Variants in PHLDB1 observed in about 807,000 individuals in gnomAD.
PHLDB1 encodes pleckstrin homology like domain family B member 1.
PHLDB1 carries 65 observed loss-of-function variants against 139.3 expected under a neutral mutation model. That is an observed-to-expected ratio of 0.47 (90% CI 0.38 to 0.57). PHLDB1 has a LOEUF of 0.57. Among genes scored for constraint, PHLDB1 ranks in the 20% least tolerant of loss-of-function variants. The probability of loss-of-function intolerance (pLI) is 0.00; values close to 1 mark genes in which losing one functional copy is unlikely to be tolerated. For missense variants in PHLDB1, 1,624 were observed against 1,839.7 expected (o/e 0.88, Z 2.14); for synonymous variants, 679 against 734.5 (o/e 0.92, Z 1.22).
intron 18 of PHLDB1, 66 bp downstream of exon 18, chr11:118,648,142 T>G: frequency 6.1e-6 from 9 of 1,465,618 alleles, no homozygotes; most frequent in Non-Finnish European, 7.5e-6. Flanking sequence ...AGTGGGGAGA[T>G]CCCAGGGTTT....
At chr11:118,648,212 G>T in intron 18 of PHLDB1, 136 bp downstream of exon 18, 1 of 876,996 alleles carries the variant, frequency 1.1e-6, no homozygotes, top group Non-Finnish European at 1.8e-6. Flanking sequence ...CTTAATACTA[G>T]CAGAATTCTA....
intron 1 of PHLDB1, among the ~76,000 whole-genome samples, chr11:118,609,102 C>G (rs1364518609): frequency 2.0e-5 from 3 of 149,354 alleles, no homozygotes; most frequent in Non-Finnish European, 4.5e-5. Flanking sequence ...CACAGCCCAG[C>G]TCATGCAAGC....
chr11:118,625,128 T>A, intron 5 of PHLDB1, 69 bp downstream of exon 5: 1 of 1,506,770 alleles, frequency 6.6e-7, no homozygotes, highest in Non-Finnish European at 8.9e-7. Context: ...CTTGCTCACT[T>A]CAGCCACACT....
rs1272137098 is a variant in PHLDB1, at chr11:118,627,842, T to C, written c.1019T>C (p.Leu340Ser). The stretch of plus-strand genomic sequence containing the variant: ...ACAGACAGCCCTGCAGCTACTGTCT[T>C]GGCGGAGGCCCGGAGAGCCACTGAG... ...LLTDSPAATVLAEARRATESP... is the reference protein window; with the variant it reads ...LLTDSPAATVSAEARRATESP... The change falls in exon 6 of 23, where the codon TTG (leucine) becomes TCG (serine). Residue 340 changes from leucine (L) to serine (S), a missense_variant. Transcript: ENST00000600882. 6.2e-7 allele frequency: 1 copy of C among 1,607,340 alleles called. No homozygotes were observed. The highest frequency in any genetic ancestry group is 8.5e-7 in the Non-Finnish European group (1 of 1,179,812).
In PHLDB1 at chr11:118,627,708, C is replaced by T. The variant is rs1555103709; in HGVS notation, c.885C>T (p.Ala295=). Residue 295 remains alanine, a synonymous_variant, in exon 6 of 23, where the codon GCC becomes GCT. Transcript: ENST00000600882. ...CCCGTTCCTCCAGCTACCATCTGGC[C>T]CTACAGCCCCCACAGTCCCGCCCAA... ...VPARSSSYHL[A]LQPPQSRPSG... 1 of 1,610,338 alleles carries T rather than the reference C, an allele frequency of 6.2e-7. No individual in the cohort carries two copies. Among genetic ancestry groups the T allele is most frequent in the Non-Finnish European group, 8.5e-7 (1 of 1,179,988 alleles).
Position 118,656,844 on chromosome 11 carries a change from G to A in PHLDB1, c.*21G>A. The A allele has an allele frequency of 6.3e-7, 1 of 1,599,434 alleles. No homozygotes were observed. The highest frequency in any genetic ancestry group is 8.6e-7 in the Non-Finnish European group (1 of 1,168,858). ...ACTAACTGCCGTGGGCCTCCTGGCA[G>A]AGCACAACTGGGGCTTTTGTATAAG... On this transcript the variant is annotated 3_prime_UTR_variant, in exon 23 of 23. Coordinates refer to ENST00000600882, the MANE Select transcript of PHLDB1 (RefSeq NM_001144758.3).
intron 12 of PHLDB1, chr11:118,639,829 A>T (rs1211699900): frequency 1.0e-6 from 1 of 968,696 alleles, no homozygotes; most frequent in African/African-American, 2.0e-5. Flanking sequence ...AGTGTGAGGG[A>T]TGCAGCCCCT....
chr11:118,613,191 T>G, intron 1 of PHLDB1: 4 of 651,698 alleles, frequency 6.1e-6, no homozygotes, highest in Non-Finnish European at 7.6e-6. Context: ...TTTTAGCTGA[T>G]TGTGTTGGGT....
In PHLDB1 at chr11:118,613,850, A is replaced by T. The variant is rs368622520; in HGVS notation, c.14A>T (p.Asn5Ile). The change falls in exon 2 of 23, where the codon AAT becomes ATT. Residue 5 changes from asparagine (N) to isoleucine (I), a missense_variant. Physicochemically the swap from Asn to Ile is moderately radical, Grantham distance 149. Transcript: ENST00000600882. MDAL[N>I]RNQIGPGCQT... ...AGCCTTAGGACCATGGACGCTCTCA[A>T]TAGGAACCAAATAGGCCCTGGATGC... 2 of 1,612,632 alleles carry T rather than the reference A, an allele frequency of 1.2e-6. No homozygotes were observed. Among genetic ancestry groups the T allele is most frequent in the East Asian group, 2.2e-5 (1 of 44,870 alleles).
rs980419473 is a variant in PHLDB1 at position 118,610,455 on chromosome 11, C to T, written c.-22+2756C>T. The T allele has an allele frequency of 6.1e-6, 6 of 980,850 alleles. No individual in the cohort carries two copies. The highest frequency in any genetic ancestry group is 4.8e-5 in the South Asian group (1 of 20,920). The allele number at this position is 980,850 out of a possible 1,614,324, so 60.8% of individuals were successfully genotyped here. On this transcript the variant is annotated intron_variant, in intron 1 of 22. Transcript: ENST00000600882. The surrounding 1 kb of genome is among the most constrained non-coding windows in gnomAD (Gnocchi z 8.7). Reference sequence around the variant, plus strand: ...GGCGGCGGCCGAGAGGACCCCAGCTCGGCCTGGCGGGCCTCTGGCCACAGC... The same window carrying T: ...GGCGGCGGCCGAGAGGACCCCAGCTTGGCCTGGCGGGCCTCTGGCCACAGC...
intron 5 of PHLDB1, among the ~76,000 whole-genome samples, chr11:118,625,614 G>A (rs1943723318): frequency 6.6e-6 from 1 of 152,300 alleles, no homozygotes; most frequent in South Asian, 2.1e-4. Flanking sequence ...GGGCAGGAGG[G>A]GTGCAGACCA....
At chr11:118,655,494 G>A in intron 20 of PHLDB1, 111 bp from the exon 21 acceptor site, 1 of 711,164 alleles carries the variant, frequency 1.4e-6, no homozygotes, top group Non-Finnish European at 2.5e-6. Context: ...GGGAGACTAG[G>A]ATCTTCACCC....
Position 118,645,241 on chromosome 11 carries a change from C to A in PHLDB1, c.3122-115C>A. On this transcript the variant is annotated intron_variant, in intron 15 of 22. Coordinates refer to ENST00000600882, the MANE Select transcript of PHLDB1 (RefSeq NM_001144758.3). This position sits in a 1 kb window ranked among gnomAD's most constrained non-coding sequence, Gnocchi z 5.1. ...TTAGGGAAGCTGCGGGGAGAGGGGG[C>A]TGCTCTGTGTTAACCTCTCCCTGCT... 1 of 708,790 alleles carries A rather than the reference C, an allele frequency of 1.4e-6. No individual in the cohort carries two copies. The highest frequency in any genetic ancestry group is 3.2e-5 in the Admixed American group (1 of 30,796). The allele number at this position is 708,790 out of a possible 1,614,324, so 43.9% of individuals were successfully genotyped here.
chr11:118,654,632 CTA>C (rs1474493253), intron 20 of PHLDB1: 1 of 149,962 alleles, frequency 6.7e-6, no homozygotes, highest in Admixed American at 6.6e-5. Context: ...TCAAATTTAT[CTA>C]TATCTAGACA....
rs1194073210 is a variant in PHLDB1 at position 118,608,013 on chromosome 11, C to T, written c.-22+314C>T. 1.3e-5 allele frequency among the ~76,000 whole-genome samples: 2 copies of T among 152,038 alleles called. No homozygotes were observed. Among genetic ancestry groups the T allele is most frequent in the Admixed American group, 6.5e-5 (1 of 15,286 alleles). ...CCTGGCCCTATCCAGACTCTCCCGC[C>T]GGCACCCAGGCGGCCGGGCGGACAC... On this transcript the variant is annotated intron_variant, in intron 1 of 22. Coordinates refer to ENST00000600882, the MANE Select transcript of PHLDB1 (RefSeq NM_001144758.3). The surrounding 1 kb of genome is among the most constrained non-coding windows in gnomAD (Gnocchi z 6.7).
In PHLDB1 at chr11:118,632,296, G is replaced by C. The variant is rs782714238; in HGVS notation, c.2379G>C (p.Lys793Asn). 1 of 1,612,516 alleles carries C rather than the reference G, an allele frequency of 6.2e-7. No homozygotes were observed. Among genetic ancestry groups the C allele is most frequent in the South Asian group, 1.1e-5 (1 of 91,004 alleles). Residue 793 changes from lysine (K) to asparagine (N), a missense_variant and splice_region_variant, in exon 9 of 23, where the codon AAG becomes AAC. By Grantham distance (94) the Lys-to-Asn change is moderately conservative. Transcript: ENST00000600882. This position sits in a 1 kb window ranked among gnomAD's most constrained non-coding sequence, Gnocchi z 5.9. ...CAGGCATCCAGAAGGAGAGGGACAA[G>C]GTAACCCACACCTGGCCCAGCTTAG... ...LETGIQKERD[K>N]EAEALETETK... is the part of the protein sequence containing the mutation.
At position 118,608,342 on chromosome 11, in the gene PHLDB1, A is replaced by G. The variant is rs966553271; in HGVS notation, c.-22+643A>G. On this transcript the variant is annotated intron_variant, in intron 1 of 22. Transcript: ENST00000600882. The surrounding 1 kb of genome is among the most constrained non-coding windows in gnomAD (Gnocchi z 6.7). ...GGGAGGCCGCCTGGGGCGCCTTGCC[A>G]CGCCCGCGCGGTCCCTATTGGAATC... 3.3e-5 allele frequency among the ~76,000 whole-genome samples: 5 copies of G among 151,920 alleles called. No homozygotes were observed. The highest frequency in any genetic ancestry group is 7.4e-5 in the Non-Finnish European group (5 of 67,928).
rs1555104461 is a variant in PHLDB1 at position 118,627,891 on chromosome 11, G to A, written c.1068G>A (p.Leu356=). 4.3e-6 allele frequency: 7 copies of A among 1,610,776 alleles called. No homozygotes were observed. Among genetic ancestry groups the A allele is most frequent in the East Asian group, 2.2e-5 (1 of 44,872 alleles). Residue 356 remains leucine (L), a synonymous_variant, in exon 6 of 23, where the codon CTG becomes CTA. Transcript: ENST00000600882. ...ATESPRLGGQ[L]PVVAISLSEY... ...AGAGCCCCCGGCTGGGTGGGCAGCT[G>A]CCTGTGGTGGCCATCAGCCTGAGTG...
Position 118,639,031 on chromosome 11 carries a change from T to G in PHLDB1, c.2646+30T>G, listed in dbSNP as rs557794355. On this transcript the variant is annotated intron_variant, in intron 11 of 22. Transcript: ENST00000600882. ...GGTCCCTGAGGTTGGGCCGGGAGAT[T>G]TGGAGTAGGGTAAGTGGGAGGGGAG... The G allele has an allele frequency of 2.5e-6, 4 of 1,595,684 alleles. No individual in the cohort carries two copies. The African/African-American group carries it at 5.4e-5, about 21-fold the overall frequency.
Sources: allele counts gnomAD v4.1 joint callset (sites outside exome capture counted in the v4.1 genomes callset), GRCh38; gene constraint gnomAD v4.1.1; non-coding constraint Gnocchi (gnomAD v3.1); transcripts MANE v1.5; gene names NCBI Gene and HGNC (gene_info 2026-07-23, HGNC 2026-07-21).